Variants in RBFOX1 observed in about 807,000 individuals in gnomAD.
RBFOX1 encodes the protein RNA binding protein fox-1 homolog 1.
Under a neutral mutation model 57.7 loss-of-function variants are expected in RBFOX1, and 8 were observed. The observed-to-expected ratio is 0.14, with a 90% confidence interval of 0.08 to 0.25. The LOEUF (loss-of-function observed/expected upper bound fraction) is 0.25. RBFOX1 is among the 10% of genes least tolerant of loss of function. The pLI, the probability that RBFOX1 is intolerant of heterozygous loss-of-function variation, is 1.00. For missense variants in RBFOX1, 611 were observed against 548.5 expected (o/e 1.11, Z -1.14); for synonymous variants, 326 against 222.4 (o/e 1.47, Z -4.15).
At chr16:5,770,446 C>G (rs993518262) in intron 3 of RBFOX1, among the ~76,000 whole-genome samples, 2 of 152,160 alleles carry the variant, frequency 1.3e-5, no homozygotes, top group Non-Finnish European at 2.9e-5. Flanking sequence ...GTTCAGGAAG[C>G]TCCCCACCCC....
intron 1 of RBFOX1, among the ~76,000 whole-genome samples, chr16:6,206,403 T>C (rs1028299386): frequency 1.3e-5 from 2 of 152,196 alleles, no homozygotes; most frequent in East Asian, 3.9e-4. Context: ...GTTCTCAATC[T>C]CAGTGTGATT....
intron 4 of RBFOX1, among the ~76,000 whole-genome samples, chr16:5,993,167 A>G (rs184202630): frequency 1.3e-5 from 2 of 152,310 alleles, no homozygotes; most frequent in East Asian, 3.9e-4. Context: ...TCTTCTGTCC[A>G]CTTACACATG....
At chr16:5,292,507 C>G (rs2063559372) in intron 1 of RBFOX1, among the ~76,000 whole-genome samples, 1 of 152,162 alleles carries the variant, frequency 6.6e-6, no homozygotes. Context: ...CTTTGAGTGA[C>G]ACAACCTTAT....
At chr16:6,748,320 C>G (rs890456242) in intron 3 of RBFOX1, among the ~76,000 whole-genome samples, 1 of 151,910 alleles carries the variant, frequency 6.6e-6, no homozygotes, top group Non-Finnish European at 1.5e-5. Flanking sequence ...CACATATATA[C>G]GTACACATAC....
At position 6,682,342 on chromosome 16, in the gene RBFOX1, G is replaced by A. The variant is rs575390139; in HGVS notation, c.-16+27692G>A. On this transcript the variant is annotated intron_variant, in intron 3 of 15. Coordinates refer to ENST00000550418, the MANE Select transcript of RBFOX1 (RefSeq NM_018723.4). ...GCTGACCACTAGAGGCGCCCCTTGT[G>A]CTTGTACCGCAGTTGCTGCCATCAG... Among the ~76,000 whole-genome samples, 18 of 152,182 alleles carry A rather than the reference G, an allele frequency of 1.2e-4. No homozygotes were observed. The South Asian group carries it at 2.7e-3, about 23-fold the overall frequency.
chr16:7,098,284 C>G (rs773222865), intron 4 of RBFOX1, among the ~76,000 whole-genome samples: 2 of 152,244 alleles, frequency 1.3e-5, no homozygotes, highest in Non-Finnish European at 2.9e-5. Flanking sequence ...ATTCTCCTCT[C>G]TCAGCCACCA....
chr16:6,834,791 T>C (rs1396928139), intron 3 of RBFOX1, among the ~76,000 whole-genome samples: 1 of 152,118 alleles, frequency 6.6e-6, no homozygotes, highest in Non-Finnish European at 1.5e-5. Flanking sequence ...CTCAGAGTCA[T>C]TCTTAAATGT....
chr16:7,207,635 C>G (rs1345076377), intron 4 of RBFOX1, among the ~76,000 whole-genome samples: 1 of 152,206 alleles, frequency 6.6e-6, no homozygotes, highest in Admixed American at 6.5e-5. Flanking sequence ...AGAACAGTCT[C>G]TGCAACCTAA....
chr16:7,021,938 T>A (rs1046766110), intron 3 of RBFOX1, among the ~76,000 whole-genome samples: 2 of 142,326 alleles, frequency 1.4e-5, no homozygotes, highest in African/African-American at 5.5e-5. Context: ...TATTTTCTTT[T>A]CTTTCTTTCT....
chr16:5,800,861 G>A (rs1428537015), intron 3 of RBFOX1, among the ~76,000 whole-genome samples: 1 of 152,126 alleles, frequency 6.6e-6, no homozygotes, highest in African/African-American at 2.4e-5. Context: ...GGGAGGGCAC[G>A]GGAGGCGGTC....
At chr16:6,519,750 C>A (rs991168660) in intron 2 of RBFOX1, among the ~76,000 whole-genome samples, 1 of 152,136 alleles carries the variant, frequency 6.6e-6, no homozygotes, top group Non-Finnish European at 1.5e-5. Context: ...TTACCCACCA[C>A]CTATTGTATG....
At chr16:6,648,999 G>A (rs2098555410) in intron 2 of RBFOX1, among the ~76,000 whole-genome samples, 2 of 152,170 alleles carry the variant, frequency 1.3e-5, no homozygotes, top group South Asian at 2.1e-4. Context: ...CAATTTTCAA[G>A]ATTACAACAT....
At chr16:7,219,611 G>A (rs2092564279) in intron 4 of RBFOX1, among the ~76,000 whole-genome samples, 1 of 152,164 alleles carries the variant, frequency 6.6e-6, no homozygotes, top group Non-Finnish European at 1.5e-5. Flanking sequence ...AACAAGCGTG[G>A]CGGATTTTTC....
At chr16:7,365,062 C>A (rs1240416154) in intron 4 of RBFOX1, among the ~76,000 whole-genome samples, 1 of 152,206 alleles carries the variant, frequency 6.6e-6, no homozygotes, top group Non-Finnish European at 1.5e-5. Flanking sequence ...AATCATCTAT[C>A]TATCATTCGT....
Position 5,243,750 on chromosome 16 carries a change from G to A in RBFOX1, c.219+3645G>A, listed in dbSNP as rs138744182. On this transcript the variant is annotated intron_variant, in intron 1 of 2. Coordinates refer to the RBFOX1 transcript ENST00000585867. ...CTGCTGTACCCTTTATGAGCCATGC[G>A]GTCTTGGAAAATTAATACTACTGCA... Among the ~76,000 whole-genome samples, 418 of 152,178 alleles carry A rather than the reference G, an allele frequency of 2.7e-3. 1 individual carries two copies. The highest frequency in any genetic ancestry group is 9.1e-3 in the African/African-American group (379 of 41,478).
intron 4 of RBFOX1, among the ~76,000 whole-genome samples, chr16:7,306,771 C>A (rs918722815): frequency 1.3e-5 from 2 of 152,134 alleles, no homozygotes; most frequent in South Asian, 4.1e-4. Context: ...CGTGATAGTT[C>A]GTTTAAAAGT....
At chr16:7,272,746 T>A (rs2095349816) in intron 4 of RBFOX1, among the ~76,000 whole-genome samples, 2 of 152,020 alleles carry the variant, frequency 1.3e-5, no homozygotes, top group Admixed American at 1.3e-4. Context: ...CTCCTGAAGC[T>A]CCTGAAACCT....
chr16:7,028,515 A>C (rs1019245413), intron 3 of RBFOX1, among the ~76,000 whole-genome samples: 1 of 140,584 alleles, frequency 7.1e-6, no homozygotes, highest in African/African-American at 2.7e-5. Flanking sequence ...TGAACCCGGG[A>C]GGCGGAGGTT....
chr16:7,042,259 G>A (rs962405170), intron 3 of RBFOX1, among the ~76,000 whole-genome samples: 2 of 152,182 alleles, frequency 1.3e-5, no homozygotes, highest in South Asian at 2.1e-4. Flanking sequence ...CACCTGCTAA[G>A]GACAAGTGAG....
Sources: allele counts gnomAD v4.1 joint callset (sites outside exome capture counted in the v4.1 genomes callset), GRCh38; gene constraint gnomAD v4.1.1; transcripts MANE v1.5; gene names NCBI Gene and HGNC (gene_info 2026-07-23, HGNC 2026-07-21).